Variants in DNER observed in about 807,000 individuals in gnomAD.
DNER encodes the protein delta/notch like EGF repeat containing.
Under a neutral mutation model 78.2 loss-of-function variants are expected in DNER, and 33 were observed. That is an observed-to-expected ratio of 0.42 (90% CI 0.32 to 0.56). The LOEUF is 0.56. Among genes scored for constraint, DNER ranks in the 20% least tolerant of loss-of-function variants. DNER has a pLI of 0.11. For synonymous variants in DNER, 417 were observed against 384.8 expected, an observed-to-expected ratio of 1.08 and a Z score of -0.98; for missense variants, 918 against 975.3, an observed-to-expected ratio of 0.94 and a Z score of 0.78.
intron 3 of DNER, 54 bp from the exon 4 acceptor site, chr2:229,586,078 G>A: frequency 6.5e-7 from 1 of 1,541,512 alleles, no homozygotes. Flanking sequence ...ATTCATCTTA[G>A]AACCAGTTCT....
chr2:229,543,931 C>T (rs967192947), intron 5 of DNER, among the ~76,000 whole-genome samples: 1 of 152,080 alleles, frequency 6.6e-6, no homozygotes, highest in Non-Finnish European at 1.5e-5. Context: ...AAAATTCCTC[C>T]TATTAGTCTC....
chr2:229,457,338 C>T (rs775745777), intron 7 of DNER, among the ~76,000 whole-genome samples: 7 of 151,728 alleles, frequency 4.6e-5, no homozygotes, highest in Admixed American at 2.0e-4. Context: ...GATGTTGTAA[C>T]GTACATAGAA....
chr2:229,511,005 C>A (rs1005033738), intron 6 of DNER, among the ~76,000 whole-genome samples: 1 of 152,324 alleles, frequency 6.6e-6, no homozygotes. Flanking sequence ...CACACAGACA[C>A]ACACACACAA....
At chr2:229,452,396 C>T (rs993106830) in intron 7 of DNER, among the ~76,000 whole-genome samples, 1 of 152,074 alleles carries the variant, frequency 6.6e-6, no homozygotes, top group Non-Finnish European at 1.5e-5. Context: ...CAAATGCCAG[C>T]AGGACTCCGG....
chr2:229,407,584 A>G (rs1057087539), intron 9 of DNER, among the ~76,000 whole-genome samples: 1 of 152,208 alleles, frequency 6.6e-6, no homozygotes, highest in Admixed American at 6.5e-5. Flanking sequence ...TTTTATCTGT[A>G]CTTTCTCTGC....
intron 6 of DNER, among the ~76,000 whole-genome samples, chr2:229,511,371 C>T (rs1028342181): frequency 6.6e-6 from 1 of 152,306 alleles, no homozygotes; most frequent in East Asian, 1.9e-4. Flanking sequence ...AAATGCCATT[C>T]CTGCTCCTGA....
intron 6 of DNER, among the ~76,000 whole-genome samples, chr2:229,495,040 T>C (rs1347331970): frequency 2.0e-5 from 3 of 152,232 alleles, no homozygotes; most frequent in African/African-American, 7.2e-5. Flanking sequence ...CTTTCTCATT[T>C]TTTTGCAATA....
intron 7 of DNER, among the ~76,000 whole-genome samples, chr2:229,450,908 T>C (rs1694440837): frequency 1.3e-5 from 2 of 152,150 alleles, no homozygotes. Flanking sequence ...AGAAGACTCA[T>C]ACAAATAGGG....
chr2:229,457,371 A>T (rs1694598823), intron 7 of DNER, among the ~76,000 whole-genome samples: 1 of 152,088 alleles, frequency 6.6e-6, no homozygotes, highest in South Asian at 2.1e-4. Flanking sequence ...ACAAGAGAAC[A>T]AATAATAAGG....
intron 9 of DNER, 94 bp from the exon 10 acceptor site, chr2:229,407,439 G>C (rs982300514): frequency 1.9e-6 from 2 of 1,080,860 alleles, no homozygotes; most frequent in Non-Finnish European, 2.7e-6. Context: ...GGAACAATGC[G>C]AGGGAGATTC....
chr2:229,489,810 T>A (rs1695358844), intron 6 of DNER, among the ~76,000 whole-genome samples: 1 of 151,928 alleles, frequency 6.6e-6, no homozygotes, highest in African/African-American at 2.4e-5. Context: ...AATGATCAAC[T>A]TCAGCAGGAT....
intron 7 of DNER, among the ~76,000 whole-genome samples, chr2:229,453,776 C>T (rs1694509391): frequency 6.6e-6 from 1 of 152,012 alleles, no homozygotes; most frequent in Admixed American, 6.6e-5. Flanking sequence ...CCCTGTTGCT[C>T]AGCATGAAGC....
At chr2:229,534,164 T>C (rs1264755916) in intron 5 of DNER, among the ~76,000 whole-genome samples, 1 of 152,172 alleles carries the variant, frequency 6.6e-6, no homozygotes, top group Non-Finnish European at 1.5e-5. Flanking sequence ...GACCAATAGA[T>C]TGTAATGAAA....
chr2:229,602,051 G>T (rs534100628), intron 1 of DNER, among the ~76,000 whole-genome samples: 1 of 150,720 alleles, frequency 6.6e-6, no homozygotes, highest in African/African-American at 2.4e-5. Context: ...GAATAAAAAA[G>T]TTGCAGAACA....
At chr2:229,548,040 C>G (rs1013415773) in intron 4 of DNER, among the ~76,000 whole-genome samples, 8 of 152,010 alleles carry the variant, frequency 5.3e-5, no homozygotes, top group Non-Finnish European at 1.2e-4. Context: ...TAAAAAGTTT[C>G]CTCAGCTCTG....
chr2:229,671,385 A>G (rs1024944645), intron 1 of DNER, among the ~76,000 whole-genome samples: 1 of 152,222 alleles, frequency 6.6e-6, no homozygotes, highest in Non-Finnish European at 1.5e-5. Flanking sequence ...CTAGCTGCTT[A>G]AAATTCCCTT....
At chr2:229,374,024 C>T (rs1047913971) in intron 11 of DNER, among the ~76,000 whole-genome samples, 1 of 152,196 alleles carries the variant, frequency 6.6e-6, no homozygotes, top group Non-Finnish European at 1.5e-5. Flanking sequence ...AAAAAGTAGC[C>T]AGGTGTCATG....
At chr2:229,557,281 G>T (rs1039298530) in intron 4 of DNER, among the ~76,000 whole-genome samples, 1 of 152,222 alleles carries the variant, frequency 6.6e-6, no homozygotes, top group Admixed American at 6.5e-5. Context: ...GAAATGCAGA[G>T]CACATGCTCA....
At chr2:229,459,967 C>A (rs566634227) in intron 7 of DNER, among the ~76,000 whole-genome samples, 232 of 151,796 alleles carry the variant, frequency 1.5e-3, no homozygotes, top group Non-Finnish European at 2.1e-3. Flanking sequence ...ACCATCCTGT[C>A]TAACATGGTG....
Sources: gnomAD v4.1 joint callset for allele counts (sites outside exome capture counted in the v4.1 genomes callset) on GRCh38, gnomAD v4.1.1 for gene constraint, MANE v1.5 for transcripts, NCBI Gene and HGNC (gene_info 2026-07-23, HGNC 2026-07-21) for gene names.